The following ZFP64 variants were observed in gnomAD, a reference collection of about 807,000 sequenced individuals.
The protein encoded by ZFP64 is zinc finger protein 64.
A neutral mutation model predicts 51.6 loss-of-function variants in ZFP64; 14 were observed. That is an observed-to-expected ratio of 0.27 (90% CI 0.18 to 0.42). The LOEUF is 0.42. Among genes scored for constraint, ZFP64 ranks in the 10% least tolerant of loss-of-function variants. The pLI, the probability that ZFP64 is intolerant of heterozygous loss-of-function variation, is 1.00. For synonymous variants in ZFP64, 375 were observed against 361.4 expected (o/e 1.04, Z -0.43); for missense variants, 754 against 906.8 (o/e 0.83, Z 2.16).
At chr20:52,095,646 C>T (rs2078980395) in intron 7 of ZFP64, among the ~76,000 whole-genome samples, 1 of 152,116 alleles carries the variant, frequency 6.6e-6, no homozygotes, top group South Asian at 2.1e-4. Flanking sequence ...TAGGGAGGCG[C>T]GTCTGCTTAC....
intron 2 of ZFP64, among the ~76,000 whole-genome samples, chr20:52,171,548 G>A (rs972690103): frequency 2.6e-5 from 4 of 151,944 alleles, no homozygotes; most frequent in Admixed American, 6.6e-5. Flanking sequence ...GGAGTGCAAC[G>A]GCGCCATCTT....
chr20:52,126,020 C>T (rs370004407), intron 5 of ZFP64, among the ~76,000 whole-genome samples: 80 of 152,056 alleles, frequency 5.3e-4, no homozygotes, highest in East Asian at 4.3e-3. Flanking sequence ...CCTGTGTTAG[C>T]GTTCTGAGTA....
chr20:52,151,249 C>T (rs987095407), downstream of ZFP64: 1 of 985,284 alleles, frequency 1.0e-6, no homozygotes, highest in Admixed American at 6.1e-5. Flanking sequence ...CAAATCCCAC[C>T]TTGGCTCTAA....
intron 1 of ZFP64, among the ~76,000 whole-genome samples, chr20:52,188,383 C>T (rs1185573726): frequency 1.3e-4 from 17 of 134,816 alleles, no homozygotes; most frequent in African/African-American, 4.7e-4. Flanking sequence ...GGTGCGATCT[C>T]GGCTCACTGC....
intron 5 of ZFP64, among the ~76,000 whole-genome samples, chr20:52,130,137 A>G (rs746494857): frequency 6.6e-6 from 1 of 152,118 alleles, no homozygotes; most frequent in Non-Finnish European, 1.5e-5. Flanking sequence ...CCTCTCCCTC[A>G]TCATACTCAG....
At chr20:52,132,987 A>G (rs1979795409) in intron 5 of ZFP64, among the ~76,000 whole-genome samples, 1 of 152,204 alleles carries the variant, frequency 6.6e-6, no homozygotes, top group Non-Finnish European at 1.5e-5. Flanking sequence ...CAAATTCAAC[A>G]ATACATTAGA....
chr20:52,098,544 G>A, exon 6 of ZFP64: 1 of 1,614,156 alleles, frequency 6.2e-7, no homozygotes, highest in Non-Finnish European at 8.5e-7. Flanking sequence ...TGCTTTCAGT[G>A]GAGAGGCAGT....
intron 5 of ZFP64, among the ~76,000 whole-genome samples, chr20:52,139,891 G>T (rs78570959): frequency 7.3e-6 from 1 of 136,896 alleles, no homozygotes; most frequent in Non-Finnish European, 1.6e-5. Flanking sequence ...TGGCAACCCC[G>T]CATCAAACAA....
At chr20:52,186,726 C>A (rs905206269) in intron 2 of ZFP64, 106 bp downstream of exon 2, 3 of 1,468,726 alleles carry the variant, frequency 2.0e-6, no homozygotes, top group African/African-American at 1.4e-5. Context: ...GAATCAGCAA[C>A]CCTAGGGGGT....
chr20:52,190,546 C>G (rs995654448), intron 1 of ZFP64, among the ~76,000 whole-genome samples: 1 of 152,096 alleles, frequency 6.6e-6, no homozygotes, highest in Non-Finnish European at 1.5e-5. Flanking sequence ...ACAGTCCCCC[C>G]TCCCCGCCAG....
chr20:52,084,851 G>T (rs761707415), exon 9 of ZFP64: 5 of 1,613,984 alleles, frequency 3.1e-6, no homozygotes, highest in Non-Finnish European at 4.2e-6. Flanking sequence ...TCTTGGCCTC[G>T]TCCCTGTGCA....
rs191179066 is a variant in ZFP64, at chr20:52,102,317, G to C, written c.764-3730C>G. 1.9e-3 allele frequency among the ~76,000 whole-genome samples: 283 copies of C among 152,142 alleles called. 1 individual carries two copies. The highest frequency in any genetic ancestry group is 6.5e-3 in the African/African-American group (268 of 41,528). On this transcript the variant is annotated intron_variant, in intron 5 of 8. Transcript: ENST00000361387. ...ACACAGGTGGCAGGGGCTCCCATTT[G>C]GAGTTCCTGATTGAGTAGGTATGGG...
chr20:52,084,985 A>T, exon 9 of ZFP64: 1 of 1,614,056 alleles, frequency 6.2e-7, no homozygotes. Context: ...GCGCTGGAGC[A>T]GGAGTAGCTG....
At chr20:52,087,054 G>A (rs1243576207) in intron 8 of ZFP64, among the ~76,000 whole-genome samples, 1 of 152,072 alleles carries the variant, frequency 6.6e-6, no homozygotes, top group Non-Finnish European at 1.5e-5. Context: ...GTTTGGCTGG[G>A]TATAGAATTC....
chr20:52,158,760 G>C (rs946426189), intron 5 of ZFP64, among the ~76,000 whole-genome samples: 1 of 152,108 alleles, frequency 6.6e-6, no homozygotes, highest in Non-Finnish European at 1.5e-5. Flanking sequence ...CTGCATCCCC[G>C]ACCTTTGCCA....
chr20:52,149,094 C>T (rs374505315), downstream of ZFP64, among the ~76,000 whole-genome samples: 1 of 152,150 alleles, frequency 6.6e-6, no homozygotes, highest in Non-Finnish European at 1.5e-5. Context: ...CAGACCACAG[C>T]ACCAGCTAGG....
In ZFP64 at chr20:52,085,174, G is replaced by C. The variant is rs760902690; in HGVS notation, c.1321C>G (p.Pro441Ala). The C allele has an allele frequency of 6.2e-7, 1 of 1,614,224 alleles. No individual in the cohort carries two copies. The highest frequency in any genetic ancestry group is 1.6e-4 in the Middle Eastern group (1 of 6,062). Residue 441 changes from proline (P) to alanine (A), a missense_variant, in exon 9 of 9, where the codon CCT (proline) becomes GCT (alanine). Pro to Ala is a conservative substitution (Grantham distance 27, BLOSUM62 -1). Transcript: ENST00000361387. This position sits in a 1 kb window ranked among gnomAD's most constrained non-coding sequence, Gnocchi z 4.3. Reference sequence around the variant, plus strand: ...ACGTCGCAGAACTCGCACTTGAAAGGCTTCTCCCCCGAGTGCACGATCATG... The same window carrying C: ...ACGTCGCAGAACTCGCACTTGAAAGCCTTCTCCCCCGAGTGCACGATCATG...
intron 5 of ZFP64, chr20:52,110,852 A>G: frequency 6.2e-7 from 1 of 1,609,712 alleles, no homozygotes; most frequent in Non-Finnish European, 8.5e-7. Context: ...CCATAATCTG[A>G]GATCCCCACC....
intron 2 of ZFP64, among the ~76,000 whole-genome samples, chr20:52,172,661 C>T (rs1982852541): frequency 6.6e-6 from 1 of 151,768 alleles, no homozygotes; most frequent in Non-Finnish European, 1.5e-5. Context: ...TTCTCTAGTC[C>T]CTCTTTTCAC....
Sources: gnomAD v4.1 joint callset for allele counts (sites outside exome capture counted in the v4.1 genomes callset) on GRCh38, gnomAD v4.1.1 for gene constraint, Gnocchi (gnomAD v3.1) non-coding constraint, MANE v1.5 for transcripts, NCBI Gene and HGNC (gene_info 2026-07-23, HGNC 2026-07-21) for gene names.